The following VTI1A variants were observed in gnomAD, a reference collection of about 807,000 sequenced individuals.
VTI1A encodes vesicle transport through interaction with t-SNAREs 1A.
VTI1A carries 22 observed loss-of-function variants against 34.9 expected under a neutral mutation model. The observed-to-expected ratio is 0.63, with a 90% CI of 0.45 to 0.90. The LOEUF (loss-of-function observed/expected upper bound fraction) is 0.90, where lower values mean the gene tolerates loss of function less well. Among genes scored for constraint, VTI1A ranks in the 40% least tolerant of loss-of-function variants. VTI1A has a pLI of 0.00. For synonymous variants in VTI1A, 87 were observed against 97.3 expected, an observed-to-expected ratio of 0.89 and a Z score of 0.62; for missense variants, 268 against 275.6, an observed-to-expected ratio of 0.97 and a Z score of 0.20.
chr10:112,683,176 A>G (rs1848279467), intron 7 of VTI1A, among the ~76,000 whole-genome samples: 1 of 152,226 alleles, frequency 6.6e-6, no homozygotes, highest in Admixed American at 6.5e-5. Flanking sequence ...TTACCAAAAG[A>G]TGTACCTATA....
intron 7 of VTI1A, among the ~76,000 whole-genome samples, chr10:112,777,593 T>C (rs4244303): frequency 0.79 from 120,250 of 152,204 alleles, 47,832 homozygotes; most frequent in East Asian, 0.95. Context: ...GGTAGAGATA[T>C]CTTCCTCAGT....
At chr10:112,723,343 T>G (rs1176979248) in intron 7 of VTI1A, among the ~76,000 whole-genome samples, 3 of 152,158 alleles carry the variant, frequency 2.0e-5, no homozygotes, top group Admixed American at 2.0e-4. Context: ...ATTAGCAACA[T>G]ACTTCTCAGC....
intron 3 of VTI1A, among the ~76,000 whole-genome samples, chr10:112,503,325 G>A (rs183649215): frequency 2.3e-4 from 35 of 152,134 alleles, no homozygotes; most frequent in Middle Eastern, 3.4e-3. Flanking sequence ...CATGAGATCC[G>A]CCTTTTTAGT....
At chr10:112,713,341 A>G (rs543982293) in intron 7 of VTI1A, among the ~76,000 whole-genome samples, 1 of 152,276 alleles carries the variant, frequency 6.6e-6, no homozygotes, top group East Asian at 1.9e-4. Flanking sequence ...TTTTACCATT[A>G]TTGTCAAGAT....
At chr10:112,556,958 C>T (rs1321446310) in intron 5 of VTI1A, among the ~76,000 whole-genome samples, 1 of 151,956 alleles carries the variant, frequency 6.6e-6, no homozygotes, top group African/African-American at 2.4e-5. Flanking sequence ...GATGTCTAGT[C>T]CCTATTTATT....
the VTI1A span, among the ~76,000 whole-genome samples, chr10:112,834,673 T>G: frequency 1.4e-3 from 208 of 152,264 alleles, 1 homozygote; most frequent in African/African-American, 4.7e-3. Flanking sequence ...ATGGCTGGCA[T>G]TTAGTTGAGG....
intron 7 of VTI1A, among the ~76,000 whole-genome samples, chr10:112,759,524 A>C (rs1392177695): frequency 6.6e-6 from 1 of 152,222 alleles, no homozygotes; most frequent in African/African-American, 2.4e-5. Flanking sequence ...CTGCGTTAGA[A>C]AGTATTTTTG....
the VTI1A span, chr10:112,826,531 A>G: frequency 1.3e-5 from 2 of 152,300 alleles, no homozygotes; most frequent in African/African-American, 4.8e-5. Context: ...TCGGCCAGAG[A>G]GCTGAGGTCT....
intron 3 of VTI1A, among the ~76,000 whole-genome samples, chr10:112,519,636 T>A (rs951020399): frequency 1.1e-4 from 16 of 152,208 alleles, no homozygotes; most frequent in Admixed American, 9.8e-4. Flanking sequence ...CAGCCTGTTG[T>A]GGCGGTGTAA....
At chr10:112,599,970 A>T (rs1028819532) in intron 5 of VTI1A, among the ~76,000 whole-genome samples, 1 of 152,174 alleles carries the variant, frequency 6.6e-6, no homozygotes, top group Admixed American at 6.5e-5. Flanking sequence ...CTATGTGTTC[A>T]TTAGGTTATA....
At chr10:112,819,250 C>T (rs1031356410), downstream of VTI1A, among the ~76,000 whole-genome samples, 2 of 151,866 alleles carry the variant, frequency 1.3e-5, no homozygotes, top group Non-Finnish European at 2.9e-5. Flanking sequence ...ATGATTTCCT[C>T]ATCCCTTTGG....
intron 7 of VTI1A, among the ~76,000 whole-genome samples, chr10:112,670,791 C>G (rs1254304581): frequency 6.6e-6 from 1 of 152,164 alleles, no homozygotes; most frequent in African/African-American, 2.4e-5. Context: ...GACTCATCTT[C>G]TTTTGGGATG....
chr10:112,687,327 G>C (rs951347305), intron 7 of VTI1A, among the ~76,000 whole-genome samples: 2 of 135,660 alleles, frequency 1.5e-5, no homozygotes, highest in South Asian at 2.5e-4. Flanking sequence ...TCCACCTCCC[G>C]GGTTCACGCC....
chr10:112,659,028 AAG>A (rs1278664175), intron 5 of VTI1A, among the ~76,000 whole-genome samples: 1 of 152,264 alleles, frequency 6.6e-6, no homozygotes, highest in Non-Finnish European at 1.5e-5. Flanking sequence ...AGAGTTCACA[AAG>A]AGTACAAATA....
chr10:112,791,032 T>A (rs1348979058), intron 7 of VTI1A, among the ~76,000 whole-genome samples: 1 of 152,192 alleles, frequency 6.6e-6, no homozygotes, highest in Non-Finnish European at 1.5e-5. Flanking sequence ...CTGCATGCTC[T>A]TGTTTCATTC....
chr10:112,722,594 A>T (rs1419367687), intron 7 of VTI1A, among the ~76,000 whole-genome samples: 1 of 152,196 alleles, frequency 6.6e-6, no homozygotes, highest in Non-Finnish European at 1.5e-5. Context: ...CAAGAGAAAG[A>T]GAAAAGAGGC....
intron 4 of VTI1A, among the ~76,000 whole-genome samples, chr10:112,530,640 A>C (rs573954335): frequency 6.6e-6 from 1 of 152,280 alleles, no homozygotes; most frequent in South Asian, 2.1e-4. Flanking sequence ...AAATGTGGGG[A>C]AAGTTTTGTG....
chr10:112,637,625 C>T (rs1846407423), intron 5 of VTI1A, among the ~76,000 whole-genome samples: 1 of 151,964 alleles, frequency 6.6e-6, no homozygotes, highest in Non-Finnish European at 1.5e-5. Flanking sequence ...CGCTACTGCA[C>T]TGTAGCCTGG....
chr10:112,621,745 C>T (rs1035917368), intron 5 of VTI1A, among the ~76,000 whole-genome samples: 3 of 152,148 alleles, frequency 2.0e-5, no homozygotes, highest in Non-Finnish European at 2.9e-5. Flanking sequence ...GCATGTAGCA[C>T]GAAATCCTTA....
Sources: allele counts gnomAD v4.1 joint callset (sites outside exome capture counted in the v4.1 genomes callset), GRCh38; gene constraint gnomAD v4.1.1; transcripts MANE v1.5; gene names NCBI Gene and HGNC (gene_info 2026-07-23, HGNC 2026-07-21).